CDH8: variants seen among roughly 807,000 people sequenced by gnomAD.
The protein encoded by CDH8 is cadherin 8.
A neutral mutation model predicts 68.1 loss-of-function variants in CDH8; 17 were observed. That is an observed-to-expected ratio of 0.25 (90% confidence interval 0.17 to 0.37). The LOEUF (loss-of-function observed/expected upper bound fraction) is 0.37, where lower values mean the gene tolerates loss of function less well. Among genes scored for constraint, CDH8 ranks in the 10% least tolerant of loss-of-function variants. CDH8 has a pLI of 1.00. For synonymous variants in CDH8, 372 were observed against 365.1 expected, an observed-to-expected ratio of 1.02 and a Z score of -0.21; for missense variants, 763 against 999.3, an observed-to-expected ratio of 0.76 and a Z score of 3.19.
intron 2 of CDH8, among the ~76,000 whole-genome samples, chr16:61,970,772 A>C (rs1965324484): frequency 6.6e-6 from 1 of 152,216 alleles, no homozygotes; most frequent in African/African-American, 2.4e-5. Flanking sequence ...GCTGAGTCCC[A>C]CAAGACTGGC....
chr16:61,768,314 TTCTCTCTCTCTCTCTC>T (rs1206629963), intron 8 of CDH8, among the ~76,000 whole-genome samples: 184 of 17,174 alleles, frequency 0.011, no homozygotes, highest in Middle Eastern at 0.071. Context: ...GTCTCTCCCT[TTCTCTCTCTCTCTCTC>T]TCTCTCTCTC....
intron 8 of CDH8, among the ~76,000 whole-genome samples, chr16:61,768,369 C>CTCTCTCTCT (rs1567461189): frequency 2.5e-4 from 6 of 23,552 alleles, no homozygotes; most frequent in East Asian, 1.7e-3. Context: ...TCTCTCTCTC[C>CTCTCTCTCT]CTTTCTCTCT....
chr16:61,937,960 T>C (rs969866248), intron 2 of CDH8: 1 of 152,148 alleles, frequency 6.6e-6, no homozygotes, highest in Admixed American at 6.5e-5. Context: ...AATGTTTCCA[T>C]TTGAAAGGAG....
At chr16:62,001,248 G>C (rs16964155) in intron 2 of CDH8, among the ~76,000 whole-genome samples, 14,760 of 152,106 alleles carry the variant, frequency 0.097, 1,032 homozygotes, top group African/African-American at 0.2. Flanking sequence ...ATGTTTAATA[G>C]GTACAGTTAG....
chr16:61,700,952 G>A (rs1487201117), intron 10 of CDH8, among the ~76,000 whole-genome samples: 2 of 152,180 alleles, frequency 1.3e-5, no homozygotes, highest in Non-Finnish European at 2.9e-5. Context: ...TAATTACCCT[G>A]ATTTGATCAT....
At chr16:61,961,962 T>C (rs754475313) in intron 2 of CDH8, among the ~76,000 whole-genome samples, 20 of 152,250 alleles carry the variant, frequency 1.3e-4, no homozygotes, top group Non-Finnish European at 2.9e-4. Context: ...GTACTGATAA[T>C]GTAAATAGTT....
intron 8 of CDH8, among the ~76,000 whole-genome samples, chr16:61,772,091 A>T (rs1176579374): frequency 6.6e-6 from 1 of 151,952 alleles, no homozygotes; most frequent in Non-Finnish European, 1.5e-5. Flanking sequence ...CAGAACCCAG[A>T]GGTTTCTAAA....
At chr16:61,793,443 C>T (rs1048908786) in intron 7 of CDH8, among the ~76,000 whole-genome samples, 2 of 151,762 alleles carry the variant, frequency 1.3e-5, no homozygotes, top group African/African-American at 2.4e-5. Context: ...CCCAGTGTTC[C>T]CCTTTATGTG....
intron 8 of CDH8, among the ~76,000 whole-genome samples, chr16:61,753,325 C>T (rs1357116216): frequency 1.3e-5 from 2 of 151,784 alleles, no homozygotes; most frequent in African/African-American, 4.8e-5. Context: ...CTGCAACCTC[C>T]ACCTCCTTGG....
intron 10 of CDH8, among the ~76,000 whole-genome samples, chr16:61,704,451 T>A (rs1389423598): frequency 6.6e-6 from 1 of 152,220 alleles, no homozygotes; most frequent in Non-Finnish European, 1.5e-5. Flanking sequence ...TAGAAGCGTA[T>A]CTTTTAATAA....
intron 2 of CDH8, among the ~76,000 whole-genome samples, chr16:61,935,709 T>C (rs576869843): frequency 1.3e-5 from 2 of 152,248 alleles, no homozygotes; most frequent in African/African-American, 2.4e-5. Context: ...TTACTGTGAA[T>C]TAAAAGCACC....
At chr16:61,847,332 T>C (rs1241917016) in intron 4 of CDH8, among the ~76,000 whole-genome samples, 1 of 151,930 alleles carries the variant, frequency 6.6e-6, no homozygotes, top group Non-Finnish European at 1.5e-5. Flanking sequence ...AGAGAAATTA[T>C]GGCCTCATGT....
chr16:61,661,116 T>C (rs141370937), intron 10 of CDH8, among the ~76,000 whole-genome samples: 3 of 152,174 alleles, frequency 2.0e-5, no homozygotes, highest in African/African-American at 7.2e-5. Flanking sequence ...GCATAAAATA[T>C]CTATTTTTTG....
At chr16:61,894,482 T>C (rs1233972774) in intron 3 of CDH8, among the ~76,000 whole-genome samples, 2 of 152,152 alleles carry the variant, frequency 1.3e-5, no homozygotes, top group Non-Finnish European at 1.5e-5. Context: ...GATGATTGTA[T>C]TTTGTTGGCT....
intron 8 of CDH8, among the ~76,000 whole-genome samples, chr16:61,768,377 T>TCC (rs1960678337): frequency 1.9e-5 from 2 of 105,466 alleles, no homozygotes; most frequent in African/African-American, 8.6e-5. Flanking sequence ...TCCCTTTCTC[T>TCC]CTCTCTCTCT....
At chr16:61,756,848 G>A (rs968425831) in intron 8 of CDH8, among the ~76,000 whole-genome samples, 1 of 152,120 alleles carries the variant, frequency 6.6e-6, no homozygotes, top group Admixed American at 6.5e-5. Context: ...CTAGAAGTTC[G>A]ACAAACATAG....
intron 8 of CDH8, among the ~76,000 whole-genome samples, chr16:61,761,812 G>A (rs62050517): frequency 0.16 from 24,652 of 151,910 alleles, 2,123 homozygotes; most frequent in Middle Eastern, 0.21. Flanking sequence ...AGACCAGCCC[G>A]GGCAATATAC....
chr16:61,848,569 G>A (rs554062450), intron 4 of CDH8, among the ~76,000 whole-genome samples: 1 of 152,070 alleles, frequency 6.6e-6, no homozygotes, highest in South Asian at 2.1e-4. Flanking sequence ...TTCATATATT[G>A]TATCTTCCAC....
At chr16:61,997,828 G>A (rs530441962) in intron 2 of CDH8, among the ~76,000 whole-genome samples, 1 of 152,106 alleles carries the variant, frequency 6.6e-6, no homozygotes, top group Non-Finnish European at 1.5e-5. Context: ...ATCTAAAAAT[G>A]TTCCACAAAA....
Sources: gnomAD v4.1 joint callset for allele counts (sites outside exome capture counted in the v4.1 genomes callset) on GRCh38, gnomAD v4.1.1 for gene constraint, MANE v1.5 for transcripts, NCBI Gene and HGNC (gene_info 2026-07-23, HGNC 2026-07-21) for gene names.